DOP1B: variants seen among roughly 807,000 people sequenced by gnomAD.
DOP1B encodes DOP1 leucine zipper like protein B, also known as protein DOP1B.
A neutral mutation model predicts 233.5 loss-of-function variants in DOP1B; 174 were observed. The ratio of observed to expected loss-of-function variants is 0.75; its 90% CI spans 0.66 to 0.85. The LOEUF is 0.85. Among genes scored for constraint, DOP1B ranks in the 40% least tolerant of loss-of-function variants. The pLI is 0.00. For synonymous variants in DOP1B, 1,190 were observed against 1,185.6 expected (o/e 1.00, Z -0.08); for missense variants, 2,652 against 2,846.6 (o/e 0.93, Z 1.56).
chr21:36,238,603 A>T lies in DOP1B; in HGVS notation c.2778A>T (p.Gly926=). The T allele has an allele frequency of 6.2e-7, 1 of 1,614,230 alleles. No individual in the cohort carries two copies. Among genetic ancestry groups the T allele is most frequent in the Non-Finnish European group, 8.5e-7 (1 of 1,180,042 alleles). ...CTCCCATGTATCTCCTCATCAAGGG[A>T]ACAAGGCTGGAAGCTCTGTTTAGAT... The part of the protein sequence containing the change: ...ICHALLDPDK[G]TRLEALFRFS... The change falls in exon 17 of 37, where the codon GGA becomes GGT. Residue 926 remains glycine, a splice_region_variant and synonymous_variant. Coordinates refer to ENST00000691173, the MANE Select transcript of DOP1B (RefSeq NM_001320714.2).
In DOP1B at chr21:36,292,478, G is replaced by T. The variant is rs896726620; in HGVS notation, c.6645+245G>T. 2.6e-5 allele frequency among the ~76,000 whole-genome samples: 4 copies of T among 151,910 alleles called. No individual in the cohort carries two copies. The South Asian group carries it at 8.3e-4, about 32-fold the overall frequency. On this transcript the variant is annotated intron_variant, in intron 36 of 36. Coordinates refer to ENST00000691173, the MANE Select transcript of DOP1B (RefSeq NM_001320714.2). ...CTCACTCTGTTGCCCAGGCTAGAGT[G>T]CAGTGGCACAACCTCAGGTCACTGC...
At chr21:36,214,589 T>C (rs2066539415) in intron 9 of DOP1B, 33 bp downstream of exon 9, 6 of 1,556,558 alleles carry the variant, frequency 3.9e-6, no homozygotes, top group Non-Finnish European at 5.3e-6. Flanking sequence ...TATCCTATGC[T>C]GAATACAGAT....
chr21:36,260,159 G>GA lies in DOP1B; in HGVS notation c.5260-506dup, dbSNP rs34320440. Among the ~76,000 whole-genome samples the GA allele has an allele frequency of 4.1e-4, 56 of 135,106 alleles. 1 individual carries two copies. Among genetic ancestry groups the GA allele is most frequent in the Non-Finnish European group, 7.7e-4 (49 of 63,520 alleles). The allele number at this position is 135,106 out of a possible 152,430, so 88.6% of individuals were successfully genotyped here. A position where few individuals can be genotyped will look rare whatever the true frequency, so the allele number is the denominator to read the frequency against. On this transcript the variant is annotated intron_variant, in intron 23 of 36. Transcript: ENST00000691173. ...CAACAGAGCAAGACTCTTGTAAAAA[G>GA]AAAAAAAAAAAAGGAAAGAAGGAAT...
At chr21:36,286,233 G>A (rs1488299146) in intron 32 of DOP1B, among the ~76,000 whole-genome samples, 1 of 152,090 alleles carries the variant, frequency 6.6e-6, no homozygotes, top group Non-Finnish European at 1.5e-5. Context: ...TATGGAGGAT[G>A]AGTAAGTCTA....
intron 22 of DOP1B, among the ~76,000 whole-genome samples, chr21:36,252,152 G>A (rs758657616): frequency 4.7e-5 from 7 of 150,010 alleles, no homozygotes; most frequent in Admixed American, 6.7e-5. Flanking sequence ...ATTCCAGCCT[G>A]GGCGACAAAG....
Position 36,223,252 on chromosome 21 carries a change from T to C in DOP1B, c.1272T>C (p.Asn424=). The C allele has an allele frequency of 6.2e-7, 1 of 1,605,030 alleles. No individual in the cohort carries two copies. Among genetic ancestry groups the C allele is most frequent in the Non-Finnish European group, 8.5e-7 (1 of 1,177,756 alleles). ...SLISAIKENR[N]ASEIVKTVNL... The stretch of plus-strand genomic sequence containing the variant: ...ACAGTGCAATCAAGGAAAACAGAAA[T>C]GCCTCTGAGATTGTCAAAACGGTAA... Residue 424 remains asparagine, a synonymous_variant, in exon 11 of 37, where the codon AAT becomes AAC. Coordinates refer to ENST00000691173, the MANE Select transcript of DOP1B (RefSeq NM_001320714.2).
At chr21:36,168,905 TAA>T in intron 2 of DOP1B, 1 of 477,040 alleles carries the variant, frequency 2.1e-6, no homozygotes, top group Non-Finnish European at 3.8e-6. Flanking sequence ...TTTTTTTTTT[TAA>T]TTAATAATTT....
intron 32 of DOP1B, among the ~76,000 whole-genome samples, chr21:36,283,899 T>A (rs1284084804): frequency 6.6e-6 from 1 of 151,896 alleles, no homozygotes; most frequent in Non-Finnish European, 1.5e-5. Flanking sequence ...TGATAACCCT[T>A]TCAGTGCCTT....
rs757578974 is a variant in DOP1B, at chr21:36,251,191, A to G, written c.5028A>G (p.Leu1676=). The change falls in exon 22 of 37, where the codon TTA becomes TTG. Residue 1676 remains leucine (L), a synonymous_variant. Transcript: ENST00000691173. Reference sequence around the variant, plus strand: ...TAAGACAAAAAATTTTAGACTTCTTAAACCCCTTGACGGCCCATCTTGGGG... The same window carrying G: ...TAAGACAAAAAATTTTAGACTTCTTGAACCCCTTGACGGCCCATCTTGGGG... The part of the protein sequence containing the change: ...KTIRQKILDF[L]NPLTAHLGVQ... 6.2e-7 allele frequency: 1 copy of G among 1,613,602 alleles called. No homozygotes were observed. The highest frequency in any genetic ancestry group is 1.3e-5 in the African/African-American group (1 of 74,978).
intron 2 of DOP1B, among the ~76,000 whole-genome samples, chr21:36,172,900 C>A (rs1197074439): frequency 6.6e-6 from 1 of 152,120 alleles, no homozygotes; most frequent in African/African-American, 2.4e-5. Context: ...AGGTGGATAA[C>A]CTGAGGTCAG....
At chr21:36,193,060 T>C (rs2066251255) in intron 2 of DOP1B, among the ~76,000 whole-genome samples, 2 of 152,194 alleles carry the variant, frequency 1.3e-5, no homozygotes, top group African/African-American at 2.4e-5. Flanking sequence ...AGTCCTGTAC[T>C]TGGACGAGGG....
intron 1 of DOP1B, among the ~76,000 whole-genome samples, chr21:36,162,500 A>G (rs1365441566): frequency 6.6e-6 from 1 of 151,974 alleles, no homozygotes; most frequent in Admixed American, 6.6e-5. Context: ...GTCCCTTTTA[A>G]AAGAGCACTA....
Position 36,245,526 on chromosome 21 carries a change from CTCGGACAA to C in DOP1B, c.3547_3554del (p.Ser1183AspfsTer5). 1.2e-6 allele frequency: 2 copies of C among 1,613,554 alleles called. No individual in the cohort carries two copies. The highest frequency in any genetic ancestry group is 1.7e-6 in the Non-Finnish European group (2 of 1,180,042). ...CCAAGTTAAGCCTGGTGCGGGTGGA[CTCGGACAA>C]GACGCAGGCTTCTGAGTCGTTCTCC... On this transcript the variant is annotated frameshift_variant, in exon 19 of 37. Coordinates refer to ENST00000691173, the MANE Select transcript of DOP1B (RefSeq NM_001320714.2). LOFTEE classifies it high-confidence loss of function. The surrounding 1 kb of genome is among the most constrained non-coding windows in gnomAD (Gnocchi z 5.5).
intron 1 of DOP1B, chr21:36,164,458 AGC>A (rs1418206677): frequency 4.3e-6 from 1 of 235,150 alleles, no homozygotes; most frequent in Non-Finnish European, 8.2e-6. Context: ...AGTTACTTGG[AGC>A]CCTAGCACTT....
chr21:36,166,147 C>T (rs1473962754), intron 2 of DOP1B, among the ~76,000 whole-genome samples: 1 of 151,782 alleles, frequency 6.6e-6, no homozygotes, highest in African/African-American at 2.4e-5. Context: ...AATTGTCTTC[C>T]ACGTGGCCAG....
intron 23 of DOP1B, among the ~76,000 whole-genome samples, chr21:36,259,272 T>C (rs555481068): frequency 7.1e-4 from 106 of 148,568 alleles, no homozygotes; most frequent in African/African-American, 2.6e-3. Context: ...GGCTTTTTTT[T>C]TTTTTTCTTT....
rs1048297140 is a variant in DOP1B, at chr21:36,156,865, T to A, written c.-105T>A. On this transcript the variant is annotated 5_prime_UTR_variant, in exon 1 of 37. Coordinates refer to ENST00000691173, the MANE Select transcript of DOP1B (RefSeq NM_001320714.2). ...CTGGCTCCCGGCCGCGCCGCAGCCC[T>A]GCCCAGTCTCTCTCCCCCAGCCCGG... 6.6e-6 allele frequency: 1 copy of A among 152,508 alleles called. No homozygotes were observed. Among genetic ancestry groups the A allele is most frequent in the African/African-American group, 2.4e-5 (1 of 41,426 alleles). The allele number at this position is 152,508 out of a possible 1,614,324, so 9.4% of individuals were successfully genotyped here. A position where few individuals can be genotyped will look rare whatever the true frequency, so the allele number is the denominator to read the frequency against.
At chr21:36,280,882 G>A (rs1363047572) in intron 31 of DOP1B, among the ~76,000 whole-genome samples, 1 of 152,112 alleles carries the variant, frequency 6.6e-6, no homozygotes, top group East Asian at 1.9e-4. Context: ...GGCGCCTGTA[G>A]TCCCAGCTAC....
intron 18 of DOP1B, among the ~76,000 whole-genome samples, chr21:36,242,630 G>T (rs554891132): frequency 2.7e-4 from 41 of 152,240 alleles, no homozygotes; most frequent in Middle Eastern, 6.8e-3. Context: ...GGCTTTAAAA[G>T]TTCCCCAGCA....
Sources: gnomAD v4.1 joint callset for allele counts (sites outside exome capture counted in the v4.1 genomes callset) on GRCh38, gnomAD v4.1.1 for gene constraint, Gnocchi (gnomAD v3.1) non-coding constraint, MANE v1.5 for transcripts, NCBI Gene and HGNC (gene_info 2026-07-23, HGNC 2026-07-21) for gene names.